Variants in FAM193A observed in about 807,000 individuals in gnomAD.
The protein encoded by FAM193A is protein FAM193A.
Under a neutral mutation model 126.5 loss-of-function variants are expected in FAM193A, and 22 were observed. That is an observed-to-expected ratio of 0.17 (90% CI 0.12 to 0.25). The LOEUF (loss-of-function observed/expected upper bound fraction) is 0.25. Ranked by LOEUF, FAM193A falls within the 10% of genes least tolerant of loss-of-function variation. The pLI is 1.00. For synonymous variants in FAM193A, 761 were observed against 646.8 expected (o/e 1.18, Z -2.68); for missense variants, 1,675 against 1,672.8 (o/e 1.00, Z -0.02).
chr4:2,585,493 T>A (rs1485321010), intron 1 of FAM193A, among the ~76,000 whole-genome samples: 10 of 152,260 alleles, frequency 6.6e-5, no homozygotes, highest in African/African-American at 2.2e-4. Flanking sequence ...ATGGACCATT[T>A]GGGTCATCTG....
intron 7 of FAM193A, among the ~76,000 whole-genome samples, chr4:2,655,377 A>G (rs1711546547): frequency 1.3e-5 from 2 of 152,126 alleles, no homozygotes; most frequent in Admixed American, 1.3e-4. Context: ...ATGATATGTC[A>G]TTCTTTATTC....
At chr4:2,673,904 A>G (rs539003076) in intron 13 of FAM193A, among the ~76,000 whole-genome samples, 3 of 152,326 alleles carry the variant, frequency 2.0e-5, no homozygotes, top group South Asian at 2.1e-4. Context: ...TTAGAGATCT[A>G]TATATGGGTA....
At chr4:2,611,589 T>TA (rs1238671157) in intron 2 of FAM193A, among the ~76,000 whole-genome samples, 2 of 151,846 alleles carry the variant, frequency 1.3e-5, no homozygotes, top group Non-Finnish European at 2.9e-5. Flanking sequence ...TGCATTTTCT[T>TA]AACGACTTGT....
At chr4:2,710,468 T>C (rs894969723) in intron 19 of FAM193A, among the ~76,000 whole-genome samples, 1 of 151,370 alleles carries the variant, frequency 6.6e-6, no homozygotes, top group Admixed American at 6.6e-5. Context: ...CCACTGTGCC[T>C]AGCTTACTGT....
At chr4:2,583,772 C>T (rs1441972096) in intron 1 of FAM193A, among the ~76,000 whole-genome samples, 2 of 152,170 alleles carry the variant, frequency 1.3e-5, no homozygotes, top group African/African-American at 4.8e-5. Context: ...TGTTTTCTTT[C>T]CCTGAAGGCA....
In FAM193A at chr4:2,553,276, C is replaced by T. The variant is rs567162000; in HGVS notation, c.255+16106C>T. Among the ~76,000 whole-genome samples, 259 of 152,004 alleles carry T rather than the reference C, an allele frequency of 1.7e-3. 1 individual carries two copies. The highest frequency in any genetic ancestry group is 2.3e-3 in the Non-Finnish European group (159 of 68,008). ...CTCAGGGGTTCCAGGCTGTAATGCG[C>T]GATGATAGGACCTGTGAATAGCCAG... On this transcript the variant is annotated intron_variant, in intron 1 of 20. Transcript: ENST00000637812.
intron 1 of FAM193A, among the ~76,000 whole-genome samples, chr4:2,567,753 G>A (rs1739054007): frequency 6.6e-6 from 1 of 152,216 alleles, no homozygotes; most frequent in South Asian, 2.1e-4. Flanking sequence ...ATGCCCAGAT[G>A]AACAGGCACG....
At chr4:2,542,829 C>G (rs556970023) in intron 1 of FAM193A, among the ~76,000 whole-genome samples, 3 of 152,196 alleles carry the variant, frequency 2.0e-5, no homozygotes, top group African/African-American at 7.2e-5. Flanking sequence ...CACAGTCCCA[C>G]TGTCCTGTGT....
At chr4:2,543,012 C>T (rs900690350) in intron 1 of FAM193A, among the ~76,000 whole-genome samples, 2 of 152,030 alleles carry the variant, frequency 1.3e-5, no homozygotes, top group Non-Finnish European at 1.5e-5. Context: ...AATTCTTATA[C>T]ACAAAGCTTG....
At chr4:2,545,997 A>C (rs761150501) in intron 1 of FAM193A, among the ~76,000 whole-genome samples, 98 of 152,104 alleles carry the variant, frequency 6.4e-4, no homozygotes, top group Non-Finnish European at 1.2e-3. Context: ...AAAATACAAA[A>C]ATTAGCGGGG....
intron 2 of FAM193A, among the ~76,000 whole-genome samples, chr4:2,604,695 T>C (rs1216594778): frequency 6.6e-6 from 1 of 152,028 alleles, no homozygotes; most frequent in Non-Finnish European, 1.5e-5. Flanking sequence ...TTGATTTCTT[T>C]GTGTTAGTCT....
At chr4:2,719,956 ATTT>A (rs758113607) in intron 20 of FAM193A, 1 of 284,088 alleles carries the variant, frequency 3.5e-6, no homozygotes, top group Non-Finnish European at 7.3e-6. Flanking sequence ...TGCCTGGCTA[ATTT>A]TTTTTTTCTT....
chr4:2,724,314 C>G (rs567693164), intron 20 of FAM193A, among the ~76,000 whole-genome samples: 1 of 151,998 alleles, frequency 6.6e-6, no homozygotes, highest in African/African-American at 2.4e-5. Context: ...CAACTTAAGA[C>G]CACTTTTAAA....
chr4:2,695,413 G>C (rs1404851733), intron 17 of FAM193A, among the ~76,000 whole-genome samples: 1 of 152,150 alleles, frequency 6.6e-6, no homozygotes, highest in African/African-American at 2.4e-5. Context: ...CCATATGGTG[G>C]AACATTGTAG....
intron 3 of FAM193A, among the ~76,000 whole-genome samples, chr4:2,625,938 G>T (rs1742921129): frequency 6.6e-6 from 1 of 152,024 alleles, no homozygotes; most frequent in African/African-American, 2.4e-5. Context: ...TGCCCAGGCT[G>T]GTCTCAAACT....
At chr4:2,605,091 G>A (rs1349960725) in intron 2 of FAM193A, among the ~76,000 whole-genome samples, 1 of 151,764 alleles carries the variant, frequency 6.6e-6, no homozygotes, top group Non-Finnish European at 1.5e-5. Context: ...TTACAGGTGT[G>A]AGCCACCATG....
At chr4:2,578,875 G>A (rs1465423460) in intron 1 of FAM193A, among the ~76,000 whole-genome samples, 1 of 151,936 alleles carries the variant, frequency 6.6e-6, no homozygotes, top group Non-Finnish European at 1.5e-5. Flanking sequence ...TGAGAGAGGA[G>A]GAGGAGGAGG....
Position 2,693,828 on chromosome 4 carries a change from C to T in FAM193A, c.3046C>T (p.Pro1016Ser). The T allele has an allele frequency of 9.3e-6, 15 of 1,614,236 alleles. No homozygotes were observed. Among genetic ancestry groups the T allele is most frequent in the Non-Finnish European group, 1.3e-5 (15 of 1,180,042 alleles). The change falls in exon 16 of 21, where the codon CCC (proline) becomes TCC (serine). Residue 1016 changes from proline to serine, a missense_variant. Transcript: ENST00000637812. ...CAAGAGTTTCTGTCCTGCACCCCTA[C>T]CCCCGGCCACAGATGGCTCCATTAG... is the stretch of plus-strand genomic sequence containing the variant. ...TRKSFCPAPL[P>S]PATDGSISAP...
At chr4:2,548,005 T>C (rs1737673857) in intron 1 of FAM193A, among the ~76,000 whole-genome samples, 1 of 152,050 alleles carries the variant, frequency 6.6e-6, no homozygotes, top group Admixed American at 6.6e-5. Context: ...ATATTAAACA[T>C]GTTTCCTGTG....
Sources: allele counts gnomAD v4.1 joint callset (sites outside exome capture counted in the v4.1 genomes callset), GRCh38; gene constraint gnomAD v4.1.1; transcripts MANE v1.5; gene names NCBI Gene and HGNC (gene_info 2026-07-23, HGNC 2026-07-21).